GNB1: variants seen among roughly 807,000 people sequenced by gnomAD.
GNB1 encodes the protein G protein subunit beta 1.
In GNB1, 2 loss-of-function variants were observed where a neutral mutation model predicts 42.9. That is an observed-to-expected ratio of 0.05 (90% CI 0.02 to 0.15). The LOEUF (loss-of-function observed/expected upper bound fraction) is 0.15, where lower values mean the gene tolerates loss of function less well. Among genes scored for constraint, GNB1 ranks in the 10% least tolerant of loss-of-function variants. GNB1 has a pLI of 1.00. For missense variants in GNB1, 193 were observed against 462.2 expected (o/e 0.42, Z 5.34); for synonymous variants, 183 against 174.7 (o/e 1.05, Z -0.38).
chr1:1,788,908 A>G, intron 10 of GNB1, 145 bp downstream of exon 10: 1 of 633,182 alleles, frequency 1.6e-6, no homozygotes, highest in Non-Finnish European at 2.8e-6. Context: ...GAGCTGGGCC[A>G]TCAGTTTGCG....
intron 1 of GNB1, among the ~76,000 whole-genome samples, chr1:1,842,110 C>T (rs967016238): frequency 6.6e-6 from 1 of 152,026 alleles, no homozygotes; most frequent in Non-Finnish European, 1.5e-5. Context: ...GAGTTCAAGA[C>T]CAACCTGGCC....
At chr1:1,818,768 C>G (rs962703238) in intron 3 of GNB1, among the ~76,000 whole-genome samples, 2 of 152,056 alleles carry the variant, frequency 1.3e-5, no homozygotes, top group Admixed American at 6.6e-5. Flanking sequence ...GAGGCTGAGG[C>G]AGGAGAATCA....
In GNB1 at chr1:1,785,329, A is replaced by G. The variant is rs1570611788; in HGVS notation, c.*1734T>C. On this transcript the variant is annotated 3_prime_UTR_variant, in exon 12 of 12. Transcript: ENST00000378609. The stretch of plus-strand genomic sequence containing the variant: ...TTTATTACATCTTAAATAACAGTAC[A>G]GTTTAATATAGTATCTATCTTGCAT... 3 of 152,694 alleles carry G rather than the reference A, an allele frequency of 2.0e-5. No homozygotes were observed. Among genetic ancestry groups the G allele is most frequent in the South Asian group, 4.1e-4 (2 of 4,836 alleles). The allele number at this position is 152,694 out of a possible 1,614,324, so 9.5% of individuals were successfully genotyped here.
intron 1 of GNB1, among the ~76,000 whole-genome samples, chr1:1,845,821 CCATACACACACA>C (rs1235380015): frequency 2.1e-4 from 20 of 96,230 alleles, no homozygotes; most frequent in African/African-American, 9.1e-4. Context: ...GTGTGTAAGT[CCATACACACACA>C]CACACACACA....
chr1:1,867,615 AATT>A lies in GNB1; in HGVS notation c.-96+23202_-96+23204del, dbSNP rs558330683. On this transcript the variant is annotated intron_variant, in intron 1 of 11. Coordinates refer to ENST00000378609, the MANE Select transcript of GNB1 (RefSeq NM_002074.5). Reference sequence around the variant, plus strand: ...TTTCTAAAAATAGACTTGCTGGAACAATTATTTTAGAAATGCTTTTATACTAAA... The same window carrying A: ...TTTCTAAAAATAGACTTGCTGGAACAATTTTAGAAATGCTTTTATACTAAA... Among the ~76,000 whole-genome samples, 268 of 152,314 alleles carry A rather than the reference AATT, an allele frequency of 1.8e-3. 2 individuals carry two copies. The highest frequency in any genetic ancestry group is 7.7e-3 in the South Asian group (37 of 4,828).
intron 1 of GNB1, among the ~76,000 whole-genome samples, chr1:1,886,794 C>G (rs962340948): frequency 4.1e-4 from 63 of 152,352 alleles, no homozygotes; most frequent in African/African-American, 1.4e-3. Flanking sequence ...CAAGCTCCCC[C>G]TCCCGGGTTC....
At chr1:1,885,686 A>G (rs1650113172) in intron 1 of GNB1, among the ~76,000 whole-genome samples, 1 of 149,042 alleles carries the variant, frequency 6.7e-6, no homozygotes, top group Non-Finnish European at 1.5e-5. Context: ...CCTCCCAAGT[A>G]GCTGGGACTA....
At chr1:1,866,721 G>A (rs547588605) in intron 1 of GNB1, among the ~76,000 whole-genome samples, 18 of 152,092 alleles carry the variant, frequency 1.2e-4, no homozygotes, top group Middle Eastern at 3.4e-3. Flanking sequence ...TTGGGAGGCC[G>A]AAATGGGCAG....
intron 1 of GNB1, among the ~76,000 whole-genome samples, chr1:1,842,709 C>G (rs190157899): frequency 2.0e-5 from 3 of 152,270 alleles, no homozygotes. Context: ...ATGGAATTAG[C>G]TAGAGACGGT....
intron 7 of GNB1, among the ~76,000 whole-genome samples, chr1:1,802,958 A>G (rs886527630): frequency 1.5e-4 from 23 of 152,256 alleles, no homozygotes; most frequent in African/African-American, 5.5e-4. Flanking sequence ...AACAGAGAAC[A>G]GAAATCAACA....
intron 1 of GNB1, among the ~76,000 whole-genome samples, chr1:1,884,674 G>C (rs1650047352): frequency 6.6e-6 from 1 of 151,770 alleles, no homozygotes. Context: ...GATGCCCTTA[G>C]TATTCCCATT....
At position 1,790,267 on chromosome 1, in the gene GNB1, A is replaced by G; in HGVS notation, c.699+128T>C. 2 of 660,148 alleles carry G rather than the reference A, an allele frequency of 3.0e-6. No homozygotes were observed. The highest frequency in any genetic ancestry group is 3.6e-5 in the South Asian group (2 of 54,796). The allele number at this position is 660,148 out of a possible 1,614,324, so 40.9% of individuals were successfully genotyped here. ...CCCATCGGGAGTTTTCTGTATCCCCATCTGTACATGAGGTTGTATAAGGAT... is the reference window on the plus strand; with the variant it reads ...CCCATCGGGAGTTTTCTGTATCCCCGTCTGTACATGAGGTTGTATAAGGAT... On this transcript the variant is annotated intron_variant, in intron 9 of 11. Transcript: ENST00000378609. The surrounding 1 kb of genome is among the most constrained non-coding windows in gnomAD (Gnocchi z 5.4).
intron 1 of GNB1, among the ~76,000 whole-genome samples, 199 bp downstream of exon 1, chr1:1,890,621 C>T (rs1650445517): frequency 6.7e-6 from 1 of 148,440 alleles, no homozygotes; most frequent in East Asian, 2.0e-4. Flanking sequence ...CCCTAGACCC[C>T]GCCCTCGACC....
chr1:1,800,052 T>A (rs1646603549), intron 7 of GNB1, among the ~76,000 whole-genome samples: 1 of 152,196 alleles, frequency 6.6e-6, no homozygotes, highest in African/African-American at 2.4e-5. Flanking sequence ...ACAATGACAC[T>A]AAACATCAGT....
At chr1:1,864,491 G>A (rs1028869468) in intron 1 of GNB1, among the ~76,000 whole-genome samples, 1 of 151,866 alleles carries the variant, frequency 6.6e-6, no homozygotes, top group African/African-American at 2.4e-5. Context: ...ATCATCACAA[G>A]TTATTCCCTC....
At chr1:1,823,512 A>G (rs1646960085) in intron 3 of GNB1, among the ~76,000 whole-genome samples, 1 of 152,176 alleles carries the variant, frequency 6.6e-6, no homozygotes, top group African/African-American at 2.4e-5. Context: ...TTTATATCAA[A>G]CTAAATATTT....
chr1:1,859,680 AAGG>A (rs926939339), intron 1 of GNB1, among the ~76,000 whole-genome samples: 24 of 138,040 alleles, frequency 1.7e-4, no homozygotes, highest in Non-Finnish European at 3.1e-5. Flanking sequence ...AGGGGAGAGG[AAGG>A]AGAAGTGGGG....
At chr1:1,857,280 A>C (rs1433992914) in intron 1 of GNB1, among the ~76,000 whole-genome samples, 2 of 151,962 alleles carry the variant, frequency 1.3e-5, no homozygotes, top group Non-Finnish European at 2.9e-5. Context: ...AGAGGAACCA[A>C]GAACCCAGTC....
intron 5 of GNB1, among the ~76,000 whole-genome samples, chr1:1,807,932 ATCTCCTGACC>A (rs1646723944): frequency 6.6e-6 from 1 of 151,982 alleles, no homozygotes; most frequent in Admixed American, 6.6e-5. Context: ...GATGGTCTCG[ATCTCCTGACC>A]TCGTGATCTG....
Sources: allele counts gnomAD v4.1 joint callset (sites outside exome capture counted in the v4.1 genomes callset), GRCh38; gene constraint gnomAD v4.1.1; non-coding constraint Gnocchi (gnomAD v3.1); transcripts MANE v1.5; gene names NCBI Gene and HGNC (gene_info 2026-07-23, HGNC 2026-07-21).